The following CEP63 variants were observed in gnomAD, a reference collection of about 807,000 sequenced individuals.
The protein encoded by CEP63 is centrosomal protein 63.
Under a neutral mutation model 89.1 loss-of-function variants are expected in CEP63, and 84 were observed. The ratio of observed to expected loss-of-function variants is 0.94; its 90% CI spans 0.79 to 1.13. The LOEUF (loss-of-function observed/expected upper bound fraction) is 1.13, where lower values mean the gene tolerates loss of function less well. Ranked by LOEUF, CEP63 falls within the 50% of genes most tolerant of loss-of-function variation. The probability of loss-of-function intolerance (pLI) is 0.00; values close to 1 mark genes in which losing one functional copy is unlikely to be tolerated. For synonymous variants in CEP63, 267 were observed against 272.5 expected, an observed-to-expected ratio of 0.98 and a Z score of 0.20; for missense variants, 838 against 813.3, an observed-to-expected ratio of 1.03 and a Z score of -0.37.
intron 8 of CEP63, 149 bp from the exon 9 acceptor site, chr3:134,547,186 C>A: frequency 1.5e-6 from 1 of 658,638 alleles, no homozygotes; most frequent in Non-Finnish European, 2.6e-6. Context: ...TCTTTCTTTC[C>A]TCTCCCAATA....
At chr3:134,716,171 A>G in the CEP63 span, among the ~76,000 whole-genome samples, 25 of 152,318 alleles carry the variant, frequency 1.6e-4, no homozygotes, top group Non-Finnish European at 3.2e-4. Flanking sequence ...GTTTTATAAG[A>G]TTCCATTAAT....
intron 14 of CEP63, among the ~76,000 whole-genome samples, chr3:134,559,663 C>T (rs969240863): frequency 6.6e-6 from 1 of 152,138 alleles, no homozygotes; most frequent in East Asian, 1.9e-4. Flanking sequence ...TGTCTTTAAC[C>T]CTTATTGGAA....
chr3:134,511,261 CA>C (rs1319199505), intron 3 of CEP63: 1 of 166,520 alleles, frequency 6.0e-6, no homozygotes, highest in African/African-American at 2.4e-5. Context: ...GTCACCTTTT[CA>C]TTTGGTCCCC....
At chr3:134,606,401 T>G in the CEP63 span, among the ~76,000 whole-genome samples, 1 of 152,104 alleles carries the variant, frequency 6.6e-6, no homozygotes, top group African/African-American at 2.4e-5. Context: ...GCCACAACCC[T>G]TCATGCCTCA....
intron 3 of CEP63, among the ~76,000 whole-genome samples, chr3:134,511,580 T>C (rs549021387): frequency 2.0e-5 from 3 of 152,320 alleles, no homozygotes; most frequent in African/African-American, 4.8e-5. Flanking sequence ...GGGTAAGCTA[T>C]GCAGAAAAGA....
chr3:134,780,111 T>A, the CEP63 span, among the ~76,000 whole-genome samples: 9 of 152,346 alleles, frequency 5.9e-5, no homozygotes, highest in Admixed American at 2.0e-4. Flanking sequence ...TGTTTACCTA[T>A]CAGTGGGTGA....
the CEP63 span, among the ~76,000 whole-genome samples, chr3:134,730,360 C>G: frequency 6.6e-6 from 1 of 152,150 alleles, no homozygotes; most frequent in East Asian, 1.9e-4. Flanking sequence ...GCCTTCAGAC[C>G]ACTTCCACTG....
At chr3:134,491,271 A>T (rs543925310) in intron 1 of CEP63, among the ~76,000 whole-genome samples, 1 of 152,360 alleles carries the variant, frequency 6.6e-6, no homozygotes, top group South Asian at 2.1e-4. Flanking sequence ...AATCTGGTAC[A>T]GAAGAAAGGG....
chr3:134,569,858 A>G (rs1490299667), downstream of CEP63, among the ~76,000 whole-genome samples: 2 of 152,220 alleles, frequency 1.3e-5, no homozygotes, highest in Admixed American at 6.5e-5. Context: ...TGGATATGCA[A>G]GCGTTTCTAT....
At chr3:134,668,993 T>C in the CEP63 span, among the ~76,000 whole-genome samples, 2 of 151,974 alleles carry the variant, frequency 1.3e-5, no homozygotes, top group Admixed American at 1.3e-4. Flanking sequence ...GCACAGACCA[T>C]GTATTTAGGG....
the CEP63 span, among the ~76,000 whole-genome samples, chr3:134,770,204 A>G: frequency 6.6e-6 from 1 of 152,206 alleles, no homozygotes; most frequent in African/African-American, 2.4e-5. Context: ...GGAAGAGGGT[A>G]ACAATTCCTA....
intron 3 of CEP63, among the ~76,000 whole-genome samples, chr3:134,516,162 T>C (rs1212238376): frequency 2.0e-5 from 3 of 152,232 alleles, no homozygotes; most frequent in East Asian, 1.9e-4. Flanking sequence ...CATAGGATAA[T>C]AGTGGAGAGA....
the CEP63 span, among the ~76,000 whole-genome samples, chr3:134,708,329 G>T: frequency 6.5e-4 from 99 of 152,368 alleles, no homozygotes; most frequent in Non-Finnish European, 9.0e-4. Context: ...GCCTGGCAGA[G>T]ACCAGGGTCC....
chr3:134,547,055 A>G (rs1001548636), intron 8 of CEP63, among the ~76,000 whole-genome samples: 1 of 152,188 alleles, frequency 6.6e-6, no homozygotes, highest in Non-Finnish European at 1.5e-5. Context: ...TTTTTTTGGT[A>G]CAGGGTTTCA....
At chr3:134,566,296 A>G (rs754476547), downstream of CEP63, among the ~76,000 whole-genome samples, 1 of 152,168 alleles carries the variant, frequency 6.6e-6, no homozygotes, top group Admixed American at 6.5e-5. Flanking sequence ...AAACTCCTTG[A>G]TATTAAATGC....
the CEP63 span, among the ~76,000 whole-genome samples, chr3:134,630,223 G>T: frequency 6.6e-6 from 1 of 152,180 alleles, no homozygotes; most frequent in Non-Finnish European, 1.5e-5. Flanking sequence ...ATCTTTTGTT[G>T]TTGTTTTTCC....
intron 6 of CEP63, among the ~76,000 whole-genome samples, chr3:134,541,345 CTTTTT>C (rs1951951868): frequency 6.6e-6 from 1 of 151,894 alleles, no homozygotes; most frequent in African/African-American, 2.4e-5. Flanking sequence ...TTTATCATTT[CTTTTT>C]AATACATTTT....
intron 2 of CEP63, among the ~76,000 whole-genome samples, chr3:134,496,900 A>G (rs914253426): frequency 7.9e-5 from 12 of 152,148 alleles, no homozygotes; most frequent in African/African-American, 1.7e-4. Flanking sequence ...CCAACAGCAT[A>G]TGAGAGTTCC....
chr3:134,566,901 C>T (rs183287497), downstream of CEP63, among the ~76,000 whole-genome samples: 1 of 152,284 alleles, frequency 6.6e-6, no homozygotes, highest in African/African-American at 2.4e-5. Flanking sequence ...TATTACCCAG[C>T]AATACCAATC....
Sources: allele counts gnomAD v4.1 joint callset (sites outside exome capture counted in the v4.1 genomes callset), GRCh38; gene constraint gnomAD v4.1.1; transcripts MANE v1.5; gene names NCBI Gene and HGNC (gene_info 2026-07-23, HGNC 2026-07-21).